LHPP: variants seen among roughly 807,000 people sequenced by gnomAD.
LHPP encodes the protein hLHPP.
A neutral mutation model predicts 30.3 loss-of-function variants in LHPP; 24 were observed. The observed-to-expected ratio is 0.79, with a 90% CI of 0.57 to 1.11. LHPP has a LOEUF of 1.11. Ranked by LOEUF, LHPP falls within the 50% of genes most tolerant of loss-of-function variation. The pLI is 0.00. For synonymous variants in LHPP, 150 were observed against 157.1 expected, an observed-to-expected ratio of 0.95 and a Z score of 0.34; for missense variants, 356 against 367.2, an observed-to-expected ratio of 0.97 and a Z score of 0.25.
At chr10:124,607,212 T>C (rs11245313) in intron 6 of LHPP, among the ~76,000 whole-genome samples, 28,622 of 152,170 alleles carry the variant, frequency 0.19, 3,036 homozygotes, top group East Asian at 0.27. Context: ...GTGACATCTC[T>C]GAGGTCCACA....
chr10:124,516,608 G>T lies in LHPP; in HGVS notation c.625-572G>T, dbSNP rs1352444756. Among the ~76,000 whole-genome samples the T allele has an allele frequency of 2.0e-5, 3 of 152,100 alleles. No homozygotes were observed. In the East Asian group the frequency reaches 5.8e-4, roughly 29 times the overall value. On this transcript the variant is annotated intron_variant, in intron 5 of 6. Coordinates refer to ENST00000368842, the MANE Select transcript of LHPP (RefSeq NM_022126.4). Reference sequence around the variant, plus strand: ...TGTTGGTTCATAATTTGGTTTTCTGGTTTTTTCAGGTGAGAGAGTTTATCC... The same window carrying T: ...TGTTGGTTCATAATTTGGTTTTCTGTTTTTTTCAGGTGAGAGAGTTTATCC...
At chr10:124,470,076 C>T (rs988304776) in intron 1 of LHPP, among the ~76,000 whole-genome samples, 3 of 152,192 alleles carry the variant, frequency 2.0e-5, no homozygotes, top group East Asian at 1.9e-4. Context: ...CATCTGTAAC[C>T]GGCCGTGTCC....
chr10:124,509,119 AC>A (rs1954237818), intron 5 of LHPP, among the ~76,000 whole-genome samples: 1 of 152,130 alleles, frequency 6.6e-6, no homozygotes, highest in African/African-American at 2.4e-5. Context: ...GTGCAAACAC[AC>A]AGTATTTGGT....
Position 124,484,210 on chromosome 10 carries a change from G to T in LHPP, c.197G>T (p.Gly66Val). The T allele has an allele frequency of 6.2e-7, 1 of 1,614,118 alleles. No homozygotes were observed. The part of the protein sequence containing the change: ...ESQKSRAELV[G>V]QLQRLGFDIS... ...CAGAAGTCCCGGGCAGAGCTGGTGGGGCAGCTTCAGAGGCTGGGATTTGAC... is the reference window on the plus strand; with the variant it reads ...CAGAAGTCCCGGGCAGAGCTGGTGGTGCAGCTTCAGAGGCTGGGATTTGAC... Residue 66 changes from glycine (G) to valine (V), a missense_variant, in exon 2 of 7, where the codon GGG becomes GTG. Physicochemically the swap from Gly to Val is moderately radical, Grantham distance 109. Transcript: ENST00000368842.
At chr10:124,574,501 G>A (rs1948632378) in intron 6 of LHPP, among the ~76,000 whole-genome samples, 1 of 152,208 alleles carries the variant, frequency 6.6e-6, no homozygotes, top group Non-Finnish European at 1.5e-5. Flanking sequence ...GAAGCTGTGG[G>A]CACCGGGGGC....
chr10:124,566,240 C>T lies in LHPP; in HGVS notation c.717-47024C>T, dbSNP rs564144461. ...GGGCTCTCCAGATTCTTGGCGCCTT[C>T]CTGATTGCAGGAGTCTGGTTGGCAT... On this transcript the variant is annotated intron_variant, in intron 6 of 6. Transcript: ENST00000368842. 1.1e-4 allele frequency among the ~76,000 whole-genome samples: 16 copies of T among 152,356 alleles called. No individual in the cohort carries two copies. The South Asian group carries it at 3.3e-3, about 32-fold the overall frequency.
At position 124,484,302 on chromosome 10, in the gene LHPP, C is replaced by A. The variant is rs758033434; in HGVS notation, c.289C>A (p.Arg97=). The part of the protein sequence containing the change: ...ACQILKEQGL[R]PYLLIHDGVR... ...CCAGATCCTGAAGGAGCAAGGCCTGCGACCATACCTGCTCATCCATGACGG... is the reference window on the plus strand; with the variant it reads ...CCAGATCCTGAAGGAGCAAGGCCTGAGACCATACCTGCTCATCCATGACGG... Residue 97 remains arginine, a synonymous_variant, in exon 2 of 7, where the codon CGA becomes AGA. Coordinates refer to ENST00000368842, the MANE Select transcript of LHPP (RefSeq NM_022126.4). The A allele has an allele frequency of 9.9e-6, 16 of 1,613,344 alleles. No homozygotes were observed. The highest frequency in any genetic ancestry group is 1.4e-5 in the Non-Finnish European group (16 of 1,179,608).
At chr10:124,516,519 C>T (rs1453865127) in intron 5 of LHPP, among the ~76,000 whole-genome samples, 1 of 152,308 alleles carries the variant, frequency 6.6e-6, no homozygotes, top group Non-Finnish European at 1.5e-5. Flanking sequence ...GGAGCCACCT[C>T]ATTTGTTTCC....
At chr10:124,515,466 GAT>G (rs1954427200) in intron 5 of LHPP, among the ~76,000 whole-genome samples, 1 of 152,146 alleles carries the variant, frequency 6.6e-6, no homozygotes, top group South Asian at 2.1e-4. Flanking sequence ...GCTCAGTTTG[GAT>G]AAACTCATCT....
At chr10:124,498,182 C>CGCCCCGTCAGGGAGG in intron 5 of LHPP, 54 bp downstream of exon 5, 4 of 1,560,016 alleles carry the variant, frequency 2.6e-6, no homozygotes, top group Non-Finnish European at 3.5e-6. Context: ...TCAGGGAGGC[C>CGCCCCGTCAGGGAGG]CTGGAGCTTG....
intron 6 of LHPP, among the ~76,000 whole-genome samples, chr10:124,545,744 G>T (rs1589850554): frequency 2.0e-5 from 3 of 152,224 alleles, no homozygotes; most frequent in African/African-American, 2.4e-5. Context: ...TGTGGTTTTT[G>T]ATTTTTTTAA....
intron 6 of LHPP, among the ~76,000 whole-genome samples, chr10:124,574,668 A>T (rs532146049): frequency 6.6e-6 from 1 of 152,164 alleles, no homozygotes; most frequent in African/African-American, 2.4e-5. Context: ...AGGAGGCAGC[A>T]TCTGATTTGG....
intron 6 of LHPP, among the ~76,000 whole-genome samples, chr10:124,610,761 G>A (rs1169644539): frequency 1.6e-3 from 118 of 71,728 alleles, no homozygotes; most frequent in Admixed American, 3.1e-3. Context: ...GCGGGTGAGG[G>A]TGCGGGTGAG....
At chr10:124,474,852 C>T (rs1201662067) in intron 1 of LHPP, among the ~76,000 whole-genome samples, 1 of 152,142 alleles carries the variant, frequency 6.6e-6, no homozygotes, top group Admixed American at 6.5e-5. Context: ...TCTAAAGGTG[C>T]CCCTGGGCGA....
chr10:124,462,020 C>CTCATCTGGGGAGCAGGAAGCCA, intron 1 of LHPP, 33 bp downstream of exon 1: 1 of 1,199,514 alleles, frequency 8.3e-7, no homozygotes, highest in Non-Finnish European at 1.0e-6. Flanking sequence ...CTGGGGCCGC[C>CTCATCTGGGGAGCAGGAAGCCA]GAGCTCTAAG....
chr10:124,603,919 C>T (rs568935003), intron 6 of LHPP, among the ~76,000 whole-genome samples: 49 of 152,314 alleles, frequency 3.2e-4, no homozygotes, highest in Admixed American at 2.0e-3. Context: ...AGCCTGTGTC[C>T]CCCAGGCAGC....
Position 124,603,227 on chromosome 10 carries a change from G to A in LHPP, c.717-10037G>A, listed in dbSNP as rs145994215. Among the ~76,000 whole-genome samples the A allele has an allele frequency of 9.7e-3, 1,477 of 152,312 alleles. 15 individuals are homozygous for A. Among genetic ancestry groups the A allele is most frequent in the African/African-American group, 0.032 (1,311 of 41,574 alleles). On this transcript the variant is annotated intron_variant, in intron 6 of 6. Coordinates refer to ENST00000368842, the MANE Select transcript of LHPP (RefSeq NM_022126.4). ...CCCCACGTGGGAGGAAGGCGGGCACGGGTGGTTTGGGCTGGGCAGGCCCAG... is the reference window on the plus strand; with the variant it reads ...CCCCACGTGGGAGGAAGGCGGGCACAGGTGGTTTGGGCTGGGCAGGCCCAG...
At chr10:124,462,939 C>A (rs1007068886) in intron 1 of LHPP, among the ~76,000 whole-genome samples, 7 of 152,200 alleles carry the variant, frequency 4.6e-5, no homozygotes. Flanking sequence ...GCAATCTCTG[C>A]TGACTGCAAC....
In LHPP at chr10:124,517,255, C is replaced by A. The variant is rs143345981; in HGVS notation, c.700C>A (p.Arg234Ser). ...GTGTGGAATGAGAGCGCTGCAGGTGCGCACCGGGAAGTTCAGGTCAGTGCC... is the reference window on the plus strand; with the variant it reads ...GTGTGGAATGAGAGCGCTGCAGGTGAGCACCGGGAAGTTCAGGTCAGTGCC... The part of the protein sequence containing the change: ...QRCGMRALQV[R>S]TGKFRPSDEH... The change falls in exon 6 of 7, where the codon CGC becomes AGC. Residue 234 changes from arginine (R) to serine (S), a missense_variant. Transcript: ENST00000368842. The surrounding 1 kb of genome is among the most constrained non-coding windows in gnomAD (Gnocchi z 4.1). The A allele has an allele frequency of 6.3e-7, 1 of 1,597,288 alleles. No individual in the cohort carries two copies. Among genetic ancestry groups the A allele is most frequent in the Non-Finnish European group, 8.5e-7 (1 of 1,172,062 alleles).
Sources: gnomAD v4.1 joint callset for allele counts (sites outside exome capture counted in the v4.1 genomes callset) on GRCh38, gnomAD v4.1.1 for gene constraint, Gnocchi (gnomAD v3.1) non-coding constraint, MANE v1.5 for transcripts, NCBI Gene and HGNC (gene_info 2026-07-23, HGNC 2026-07-21) for gene names.